The following RGS6 variants were observed in gnomAD, a reference collection of about 807,000 sequenced individuals.
RGS6 encodes the protein regulator of G protein signaling 6.
RGS6 carries 30 observed loss-of-function variants against 78.5 expected under a neutral mutation model. The observed-to-expected ratio is 0.38, with a 90% confidence interval of 0.29 to 0.52. The LOEUF is 0.52. RGS6 is among the 20% of genes least tolerant of loss of function. The pLI is 0.85. For synonymous variants in RGS6, 206 were observed against 206.0 expected (o/e 1.00, Z 0.00); for missense variants, 495 against 609.7 (o/e 0.81, Z 1.98).
chr14:72,412,925 G>C (rs8015725), intron 3 of RGS6, among the ~76,000 whole-genome samples: 150,544 of 150,796 alleles, frequency 1, 75,146 homozygotes, highest in Middle Eastern at 1. Context: ...GCACTGTGGT[G>C]TGAGAGACAG....
At chr14:71,896,008 AG>A in the RGS6 span, among the ~76,000 whole-genome samples, 1 of 151,944 alleles carries the variant, frequency 6.6e-6, no homozygotes, top group Admixed American at 6.6e-5. Context: ...CAGGGAGCCC[AG>A]GGGTGCAGTC....
intron 13 of RGS6, among the ~76,000 whole-genome samples, chr14:72,498,286 G>A (rs1046823397): frequency 3.3e-5 from 5 of 151,734 alleles, no homozygotes; most frequent in African/African-American, 9.7e-5. Flanking sequence ...TATTTCTGCC[G>A]CTTAGTTTTA....
At position 72,547,420 on chromosome 14, in the gene RGS6, AAAC is replaced by A. The variant is rs2097424858; in HGVS notation, c.1422+7331_1422+7333del. The A allele has an allele frequency of 2.7e-6, 3 of 1,093,668 alleles. No homozygotes were observed. The Admixed American group carries it at 6.7e-5, about 24-fold the overall frequency. 67.7% of individuals were successfully genotyped at this position (1,093,668 alleles called of 1,614,324 possible). A position where few individuals can be genotyped will look rare whatever the true frequency, so the allele number is the denominator to read the frequency against. ...TCCCCCCAAAATGAGCTCCTGGTGG[AAAC>A]AACAGGGGATGCTTCCCCCTTTTAA... On this transcript the variant is annotated intron_variant, in intron 17 of 17. Coordinates refer to ENST00000553525, the MANE Select transcript of RGS6 (RefSeq NM_001204424.2).
At chr14:72,507,049 G>A (rs926673635) in intron 13 of RGS6, among the ~76,000 whole-genome samples, 9 of 143,748 alleles carry the variant, frequency 6.3e-5, no homozygotes, top group Non-Finnish European at 1.4e-4. Context: ...GGTGCCTGTA[G>A]TCCCAGCTAC....
intron 2 of RGS6, among the ~76,000 whole-genome samples, chr14:72,045,621 C>T (rs1254261466): frequency 6.6e-6 from 1 of 151,592 alleles, no homozygotes; most frequent in African/African-American, 2.4e-5. Flanking sequence ...ATTCTGTAAT[C>T]TTAGGACTAC....
rs796655923 is a variant in RGS6, at chr14:72,163,048, G to A, written c.85-189047G>A. On this transcript the variant is annotated intron_variant, in intron 2 of 17. Coordinates refer to ENST00000553525, the MANE Select transcript of RGS6 (RefSeq NM_001204424.2). ...TACAATGAACTTCGGGGACTTGGGA[G>A]AAAGAATGGGAGGTGGGTGAGGAAT... Among the ~76,000 whole-genome samples, 3 of 152,140 alleles carry A rather than the reference G, an allele frequency of 2.0e-5. No homozygotes were observed. In the South Asian group the frequency reaches 6.2e-4, roughly 32 times the overall value.
chr14:72,125,121 G>T (rs2096155938), intron 2 of RGS6, among the ~76,000 whole-genome samples: 1 of 152,128 alleles, frequency 6.6e-6, no homozygotes, highest in Admixed American at 6.5e-5. Context: ...CTTTCCAGGG[G>T]TCCTGAGGGG....
At chr14:71,880,696 A>G in the RGS6 span, among the ~76,000 whole-genome samples, 1 of 152,222 alleles carries the variant, frequency 6.6e-6, no homozygotes, top group Non-Finnish European at 1.5e-5. Context: ...CAGAGGATGT[A>G]TGGAAATGCC....
chr14:72,067,546 C>G (rs574101606), intron 2 of RGS6, among the ~76,000 whole-genome samples: 1 of 144,136 alleles, frequency 6.9e-6, no homozygotes, highest in South Asian at 2.3e-4. Flanking sequence ...TAGTGCGGCA[C>G]TTTTTAATCA....
At chr14:72,361,925 G>A (rs942376929) in intron 3 of RGS6, among the ~76,000 whole-genome samples, 1 of 152,186 alleles carries the variant, frequency 6.6e-6, no homozygotes. Context: ...TATATAAAGT[G>A]TGGGAGGGAA....
chr14:72,081,757 C>T (rs1335601600), intron 2 of RGS6, among the ~76,000 whole-genome samples: 1 of 152,068 alleles, frequency 6.6e-6, no homozygotes, highest in Non-Finnish European at 1.5e-5. Flanking sequence ...AGTCTATCTT[C>T]AACTCAGCAA....
chr14:72,579,180 G>A, the RGS6 span, among the ~76,000 whole-genome samples: 2 of 151,956 alleles, frequency 1.3e-5, no homozygotes, highest in Non-Finnish European at 2.9e-5. Context: ...CTATCCTAAG[G>A]AGAAGGGATG....
At chr14:71,988,355 A>C (rs2094811586) in intron 2 of RGS6, among the ~76,000 whole-genome samples, 2 of 152,184 alleles carry the variant, frequency 1.3e-5, no homozygotes, top group Admixed American at 6.5e-5. Flanking sequence ...TCAGCAAGCA[A>C]CTTGCTGTTG....
chr14:72,404,351 A>T (rs568053252), intron 3 of RGS6, among the ~76,000 whole-genome samples: 1 of 152,174 alleles, frequency 6.6e-6, no homozygotes, highest in Admixed American at 6.5e-5. Flanking sequence ...GCTTGAGGGA[A>T]GGTGTTTGCT....
intron 10 of RGS6, among the ~76,000 whole-genome samples, chr14:72,476,110 A>G (rs1177541787): frequency 2.6e-5 from 4 of 152,136 alleles, no homozygotes; most frequent in African/African-American, 7.2e-5. Context: ...CATTGCAAAG[A>G]TTGTGTTTAG....
the RGS6 span, among the ~76,000 whole-genome samples, chr14:71,917,512 G>A: frequency 6.6e-6 from 1 of 152,138 alleles, no homozygotes; most frequent in African/African-American, 2.4e-5. Context: ...TGGGGAGATG[G>A]GAAGCACCTG....
chr14:72,514,606 C>T (rs1471808426), intron 14 of RGS6, among the ~76,000 whole-genome samples: 1 of 152,200 alleles, frequency 6.6e-6, no homozygotes. Flanking sequence ...GTCATGAACA[C>T]GGATCAAATG....
At position 72,296,879 on chromosome 14, in the gene RGS6, A is replaced by G. The variant is rs373348013; in HGVS notation, c.85-55216A>G. Among the ~76,000 whole-genome samples the G allele has an allele frequency of 5.1e-4, 77 of 152,264 alleles. 1 individual carries two copies. The South Asian group carries it at 0.016, about 31-fold the overall frequency. Reference sequence around the variant, plus strand: ...TCAAAGTCACAAAGATTTATCTTATATTTTCTTCTAGAATATTTATACTTT... The same window carrying G: ...TCAAAGTCACAAAGATTTATCTTATGTTTTCTTCTAGAATATTTATACTTT... On this transcript the variant is annotated intron_variant, in intron 2 of 17. Transcript: ENST00000553525.
chr14:72,169,944 A>G (rs543953506), intron 2 of RGS6, among the ~76,000 whole-genome samples: 2 of 152,298 alleles, frequency 1.3e-5, no homozygotes, highest in Non-Finnish European at 2.9e-5. Flanking sequence ...CATTTGAGAA[A>G]TATTGCCCTT....
Sources: allele counts gnomAD v4.1 joint callset (sites outside exome capture counted in the v4.1 genomes callset), GRCh38; gene constraint gnomAD v4.1.1; transcripts MANE v1.5; gene names NCBI Gene and HGNC (gene_info 2026-07-23, HGNC 2026-07-21).